SLC35F3: variants seen among roughly 807,000 people sequenced by gnomAD.
SLC35F3 encodes solute carrier family 35 member F3, also known as putative thiamine transporter SLC35F3.
Under a neutral mutation model 49.9 loss-of-function variants are expected in SLC35F3, and 25 were observed. That is an observed-to-expected ratio of 0.50 (90% CI 0.37 to 0.70). The LOEUF is 0.70. Among genes scored for constraint, SLC35F3 ranks in the 30% least tolerant of loss-of-function variants. The pLI is 0.00. For synonymous variants in SLC35F3, 275 were observed against 265.4 expected, an observed-to-expected ratio of 1.04 and a Z score of -0.35; for missense variants, 525 against 639.8, an observed-to-expected ratio of 0.82 and a Z score of 1.94.
At chr1:233,911,110 G>T (rs1363584700) in intron 2 of SLC35F3, among the ~76,000 whole-genome samples, 1 of 152,182 alleles carries the variant, frequency 6.6e-6, no homozygotes. Context: ...TAAAGGGTTT[G>T]TATGAGGTGA....
chr1:234,112,898 G>A (rs1198728103), intron 2 of SLC35F3, among the ~76,000 whole-genome samples: 4 of 150,924 alleles, frequency 2.7e-5, no homozygotes, highest in Non-Finnish European at 4.4e-5. Context: ...CTTAATGACC[G>A]GTTTCAGAAA....
intron 3 of SLC35F3, among the ~76,000 whole-genome samples, chr1:234,244,094 C>T (rs1037205142): frequency 6.6e-6 from 1 of 152,160 alleles, no homozygotes; most frequent in Non-Finnish European, 1.5e-5. Flanking sequence ...TAACAGCTAG[C>T]ATGACATTGA....
At chr1:233,940,948 G>A (rs1156477187) in intron 2 of SLC35F3, among the ~76,000 whole-genome samples, 2 of 152,176 alleles carry the variant, frequency 1.3e-5, no homozygotes, top group Non-Finnish European at 2.9e-5. Flanking sequence ...CCCACTGCCC[G>A]TGAAGATACC....
chr1:234,241,274 C>T (rs1667549739), intron 3 of SLC35F3, among the ~76,000 whole-genome samples: 1 of 152,052 alleles, frequency 6.6e-6, no homozygotes, highest in Admixed American at 6.5e-5. Context: ...AAGTGTTGTA[C>T]GCACAGGAGG....
intron 2 of SLC35F3, among the ~76,000 whole-genome samples, chr1:233,924,367 T>C (rs1358428838): frequency 6.6e-6 from 1 of 152,222 alleles, no homozygotes; most frequent in Non-Finnish European, 1.5e-5. Context: ...CCTGGTTTAG[T>C]CTTGGGACGG....
At chr1:234,098,790 TGGC>T (rs1665169417) in intron 2 of SLC35F3, among the ~76,000 whole-genome samples, 1 of 150,774 alleles carries the variant, frequency 6.6e-6, no homozygotes, top group African/African-American at 2.4e-5. Flanking sequence ...GCAGTTCAGA[TGGC>T]GGTGGTAGTG....
At chr1:234,141,814 G>T (rs980364401) in intron 2 of SLC35F3, among the ~76,000 whole-genome samples, 2 of 151,198 alleles carry the variant, frequency 1.3e-5, no homozygotes, top group African/African-American at 4.9e-5. Context: ...CCTTCTGTAT[G>T]CCCTTAGCCC....
chr1:234,214,310 G>A lies in SLC35F3; in HGVS notation c.284-17107G>A. ...GGAGGATGTGCGCTGCAGGGCGGCC[G>A]CCGCAGTGAGCAACGCGGCAACCGG... On this transcript the variant is annotated intron_variant, in intron 2 of 7. Transcript: ENST00000366618. The surrounding 1 kb of genome is among the most constrained non-coding windows in gnomAD (Gnocchi z 8.0). 3.9e-6 allele frequency: 5 copies of A among 1,297,854 alleles called. No homozygotes were observed. Among genetic ancestry groups the A allele is most frequent in the Non-Finnish European group, 3.9e-6 (4 of 1,026,530 alleles). 80.4% of individuals were successfully genotyped at this position (1,297,854 alleles called of 1,614,324 possible).
intron 2 of SLC35F3, among the ~76,000 whole-genome samples, chr1:234,057,025 G>A (rs1422144423): frequency 6.6e-6 from 1 of 151,886 alleles, no homozygotes; most frequent in African/African-American, 2.4e-5. Context: ...CTACATATCT[G>A]TTCTTGTGAC....
At chr1:234,276,835 A>T (rs986925755) in intron 3 of SLC35F3, among the ~76,000 whole-genome samples, 2 of 152,194 alleles carry the variant, frequency 1.3e-5, no homozygotes, top group Non-Finnish European at 2.9e-5. Flanking sequence ...AAAAATGAGG[A>T]AGACTCTTAT....
chr1:234,243,581 T>C (rs1667588119), intron 3 of SLC35F3, among the ~76,000 whole-genome samples: 3 of 152,200 alleles, frequency 2.0e-5, no homozygotes, highest in South Asian at 2.1e-4. Context: ...AGAATCCTTT[T>C]AGAGGATGTA....
At chr1:234,043,998 G>A (rs1468255118) in intron 2 of SLC35F3, among the ~76,000 whole-genome samples, 2 of 152,150 alleles carry the variant, frequency 1.3e-5, no homozygotes, top group Non-Finnish European at 2.9e-5. Context: ...CAATGTAACA[G>A]TGTTGACAGG....
In SLC35F3 at chr1:234,070,501, G is replaced by A. The variant is rs146426574; in HGVS notation, c.284-160916G>A. On this transcript the variant is annotated intron_variant, in intron 2 of 7. Coordinates refer to ENST00000366618, the MANE Select transcript of SLC35F3 (RefSeq NM_173508.4). ...ATGTATTCCAAGTATTTTTATCCTG[G>A]TTTCAGGTCACCTTGACTAATTTCC... is the stretch of plus-strand genomic sequence containing the variant. Among the ~76,000 whole-genome samples, 3 of 152,146 alleles carry A rather than the reference G, an allele frequency of 2.0e-5. No individual in the cohort carries two copies. The East Asian group carries it at 5.8e-4, about 29-fold the overall frequency.
chr1:233,905,733 C>T lies in SLC35F3; in HGVS notation c.258C>T (p.Tyr86=), dbSNP rs201089380. ...TGCGCATCACTGGCTACTATGGCTA[C>T]CAGCCCTGGGCAGCGAGCTGCAAAA... ...RILRITGYYG[Y]QPWAASCKRE... The change falls in exon 2 of 8, where the codon TAC becomes TAT. Residue 86 remains tyrosine, a synonymous_variant. Coordinates refer to ENST00000366618, the MANE Select transcript of SLC35F3 (RefSeq NM_173508.4). 2.4e-5 allele frequency: 38 copies of T among 1,613,828 alleles called. No individual in the cohort carries two copies.
At chr1:234,172,240 A>C in intron 2 of SLC35F3, among the ~76,000 whole-genome samples, 1 of 152,192 alleles carries the variant, frequency 6.6e-6, no homozygotes, top group Admixed American at 6.5e-5. Context: ...TTTTTTAACT[A>C]TTTATTTATT....
At chr1:234,155,983 T>C (rs553137625) in intron 2 of SLC35F3, among the ~76,000 whole-genome samples, 26 of 152,264 alleles carry the variant, frequency 1.7e-4, no homozygotes, top group African/African-American at 6.0e-4. Flanking sequence ...TGAACTTCTA[T>C]TTGGTGAGGA....
intron 2 of SLC35F3, among the ~76,000 whole-genome samples, chr1:234,152,367 A>G: frequency 6.6e-6 from 1 of 152,050 alleles, no homozygotes; most frequent in African/African-American, 2.4e-5. Context: ...TATTTCTCCT[A>G]ATGCTATCTC....
chr1:234,091,778 G>A (rs1665047033), intron 2 of SLC35F3, among the ~76,000 whole-genome samples: 1 of 152,106 alleles, frequency 6.6e-6, no homozygotes, highest in Admixed American at 6.5e-5. Flanking sequence ...ATAGATTTCT[G>A]CACCTCTCTG....
chr1:234,202,479 T>C (rs1198857607), intron 2 of SLC35F3, among the ~76,000 whole-genome samples: 1 of 152,246 alleles, frequency 6.6e-6, no homozygotes, highest in African/African-American at 2.4e-5. Flanking sequence ...AATGGGAAAC[T>C]ACAAACCCAT....
Sources: gnomAD v4.1 joint callset for allele counts (sites outside exome capture counted in the v4.1 genomes callset) on GRCh38, gnomAD v4.1.1 for gene constraint, Gnocchi (gnomAD v3.1) non-coding constraint, MANE v1.5 for transcripts, NCBI Gene and HGNC (gene_info 2026-07-23, HGNC 2026-07-21) for gene names.